The following MAPKAPK5 variants were observed in gnomAD, a reference collection of about 807,000 sequenced individuals.
MAPKAPK5 encodes the protein MAP kinase-activated protein kinase 5.
A neutral mutation model predicts 65.1 loss-of-function variants in MAPKAPK5; 30 were observed. The ratio of observed to expected loss-of-function variants is 0.46; its 90% CI spans 0.34 to 0.63. The LOEUF is 0.63. Ranked by LOEUF, MAPKAPK5 falls within the 20% of genes least tolerant of loss-of-function variation. The pLI is 0.01. For synonymous variants in MAPKAPK5, 179 were observed against 204.6 expected (o/e 0.87, Z 1.07); for missense variants, 433 against 581.4 (o/e 0.74, Z 2.63).
Position 111,892,959 on chromosome 12 carries a change from G to T in MAPKAPK5, c.1322-8G>T. 2 of 1,552,100 alleles carry T rather than the reference G, an allele frequency of 1.3e-6. No individual in the cohort carries two copies. The highest frequency in any genetic ancestry group is 1.7e-6 in the Non-Finnish European group (2 of 1,147,982). The stretch of plus-strand genomic sequence containing the variant: ...TGAGGACTGACCTTGTTCTTTTTTT[G>T]CTTTCAGGTCGTGGATTCACAGATA... On this transcript the variant is annotated splice_polypyrimidine_tract_variant and splice_region_variant and intron_variant, in intron 13 of 13. Coordinates refer to ENST00000550735, the MANE Select transcript of MAPKAPK5 (RefSeq NM_003668.4).
intron 4 of MAPKAPK5, 51 bp from the exon 5 acceptor site, chr12:111,868,702 C>A: frequency 7.4e-7 from 1 of 1,354,300 alleles, no homozygotes; most frequent in Non-Finnish European, 1.0e-6. Flanking sequence ...TTTTTTGTTT[C>A]TTTTTCTTTT....
intron 7 of MAPKAPK5, among the ~76,000 whole-genome samples, chr12:111,871,476 TA>T (rs979021497): frequency 6.6e-6 from 1 of 151,448 alleles, no homozygotes; most frequent in African/African-American, 2.4e-5. Context: ...CTGTCTCTAC[TA>T]AAAAAAATAT....
intron 10 of MAPKAPK5, among the ~76,000 whole-genome samples, chr12:111,887,409 C>T (rs190048219): frequency 3.3e-5 from 5 of 152,288 alleles, no homozygotes; most frequent in Admixed American, 2.6e-4. Context: ...TGGTGGCTTA[C>T]GCCTGTAATC....
At position 111,849,259 on chromosome 12, in the gene MAPKAPK5, T is replaced by C. The variant is rs183543466; in HGVS notation, c.36+6490T>C. ...AGAGTTCTTTTTTTTTTCTTTCTTTTTTTTTTTTCTGAGACAAAGTCTTGC... is the reference window on the plus strand; with the variant it reads ...AGAGTTCTTTTTTTTTTCTTTCTTTCTTTTTTTTCTGAGACAAAGTCTTGC... On this transcript the variant is annotated intron_variant, in intron 1 of 13. Transcript: ENST00000550735. Among the ~76,000 whole-genome samples, 43 of 151,292 alleles carry C rather than the reference T, an allele frequency of 2.8e-4. No homozygotes were observed. The East Asian group carries it at 7.4e-3, about 26-fold the overall frequency.
At chr12:111,885,742 A>G (rs916914796) in intron 9 of MAPKAPK5, 174 bp from the exon 10 acceptor site, 43 of 678,878 alleles carry the variant, frequency 6.3e-5, no homozygotes, top group African/African-American at 1.6e-4. Context: ...GCCTCAAGCC[A>G]TAGTACCCCT....
intron 7 of MAPKAPK5, among the ~76,000 whole-genome samples, chr12:111,873,400 ATGGCG>A (rs2069849450): frequency 6.6e-6 from 1 of 151,978 alleles, no homozygotes; most frequent in Non-Finnish European, 1.5e-5. Context: ...GAGTGGTGCA[ATGGCG>A]CGATCTCGAC....
chr12:111,875,730 G>A (rs1429445757), intron 7 of MAPKAPK5, among the ~76,000 whole-genome samples: 1 of 152,100 alleles, frequency 6.6e-6, no homozygotes, highest in Non-Finnish European at 1.5e-5. Context: ...CCCACATTTT[G>A]CCTTTAGCAG....
chr12:111,878,119 AAC>A (rs2070057558), intron 7 of MAPKAPK5, among the ~76,000 whole-genome samples: 1 of 151,298 alleles, frequency 6.6e-6, no homozygotes, highest in East Asian at 1.9e-4. Context: ...TTCATTCTTT[AAC>A]AGTGTCTTTT....
rs990159816 is a variant in MAPKAPK5 at position 111,893,640 on chromosome 12, C to T, written c.*579C>T. 3 of 152,104 alleles carry T rather than the reference C, an allele frequency of 2.0e-5. No homozygotes were observed. The highest frequency in any genetic ancestry group is 4.8e-5 in the African/African-American group (2 of 41,376). The allele number at this position is 152,104 out of a possible 1,614,324, so 9.4% of individuals were successfully genotyped here. On this transcript the variant is annotated 3_prime_UTR_variant, in exon 14 of 14. Coordinates refer to ENST00000550735, the MANE Select transcript of MAPKAPK5 (RefSeq NM_003668.4). ...TCCCAAGAGAAAAGCAGGAACATTT[C>T]CTTTTTGTCATATCTGTTAAAAGGG... is the stretch of plus-strand genomic sequence containing the variant.
chr12:111,875,394 T>C (rs1287092335), intron 7 of MAPKAPK5, among the ~76,000 whole-genome samples: 1 of 151,982 alleles, frequency 6.6e-6, no homozygotes, highest in Admixed American at 6.5e-5. Context: ...TTTTTTAAAA[T>C]TTAAAAAAAA....
At position 111,861,923 on chromosome 12, in the gene MAPKAPK5, C is replaced by G. The variant is rs2069451899; in HGVS notation, c.37-3327C>G. On this transcript the variant is annotated intron_variant, in intron 1 of 13. Coordinates refer to ENST00000550735, the MANE Select transcript of MAPKAPK5 (RefSeq NM_003668.4). ...TGCTGACCCCTTGTCTTGGAGAATT[C>G]TCAAAAATGATTTTATTCCAAGTGT... Among the ~76,000 whole-genome samples the G allele has an allele frequency of 3.9e-5, 6 of 152,146 alleles. No homozygotes were observed. In the South Asian group the frequency reaches 1.2e-3, roughly 32 times the overall value.
chr12:111,882,217 A>G (rs1261963486), intron 8 of MAPKAPK5, among the ~76,000 whole-genome samples: 3 of 152,174 alleles, frequency 2.0e-5, no homozygotes, highest in Non-Finnish European at 4.4e-5. Flanking sequence ...CGTCTCTACT[A>G]AAAATACAAA....
In MAPKAPK5 at chr12:111,895,724, T is replaced by C. The variant is rs2070786211; in HGVS notation, c.*2663T>C. On this transcript the variant is annotated 3_prime_UTR_variant, in exon 14 of 14. Transcript: ENST00000550735. ...TTTTGTGTTTTTAGTAGAGACGGGG[T>C]TTCATCATATTGGCCAGGCTGGTCT... 1 of 151,242 alleles carries C rather than the reference T, an allele frequency of 6.6e-6. No individual in the cohort carries two copies. The highest frequency in any genetic ancestry group is 2.4e-5 in the African/African-American group (1 of 41,084). The allele number at this position is 151,242 out of a possible 1,614,324, so 9.4% of individuals were successfully genotyped here. A position where few individuals can be genotyped will look rare whatever the true frequency, so the allele number is the denominator to read the frequency against.
rs148250275 is a variant in MAPKAPK5, at chr12:111,844,020, C to T, written c.36+1251C>T. On this transcript the variant is annotated intron_variant, in intron 1 of 13. Coordinates refer to ENST00000550735, the MANE Select transcript of MAPKAPK5 (RefSeq NM_003668.4). ...TGTATTTTTAGTAGAGACGGGGTTT[C>T]ACCGTAATAGCCAGGATGGGCTCGA... Among the ~76,000 whole-genome samples the T allele has an allele frequency of 1.4e-3, 214 of 152,044 alleles. 1 individual carries two copies. The highest frequency in any genetic ancestry group is 5.0e-3 in the African/African-American group (207 of 41,464).
intron 1 of MAPKAPK5, among the ~76,000 whole-genome samples, chr12:111,850,159 GCT>G (rs1200258680): frequency 1.3e-5 from 2 of 152,076 alleles, no homozygotes; most frequent in African/African-American, 4.8e-5. Flanking sequence ...CTCCCAAGTA[GCT>G]GGGATTACAG....
intron 7 of MAPKAPK5, among the ~76,000 whole-genome samples, chr12:111,877,207 CAG>C (rs1229717069): frequency 9.9e-6 from 1 of 101,386 alleles, no homozygotes; most frequent in Non-Finnish European, 2.1e-5. Context: ...TTAGTAGAGA[CAG>C]GGTTTCGCCA....
intron 1 of MAPKAPK5, among the ~76,000 whole-genome samples, chr12:111,847,550 G>A (rs887429887): frequency 6.6e-6 from 1 of 151,868 alleles, no homozygotes; most frequent in African/African-American, 2.4e-5. Context: ...ATAGCGAGTC[G>A]TTAATATTTG....
At chr12:111,853,179 C>G (rs915031462) in intron 1 of MAPKAPK5, among the ~76,000 whole-genome samples, 1 of 151,600 alleles carries the variant, frequency 6.6e-6, no homozygotes, top group Non-Finnish European at 1.5e-5. Flanking sequence ...TCCTGGCTAA[C>G]ACAGTGAAAC....
chr12:111,880,230 C>G (rs2070148552), intron 7 of MAPKAPK5: 5 of 548,204 alleles, frequency 9.1e-6, no homozygotes, highest in Non-Finnish European at 9.9e-6. Flanking sequence ...GGAACTTCAT[C>G]TTCATGTCCT....
Sources: gnomAD v4.1 joint callset for allele counts (sites outside exome capture counted in the v4.1 genomes callset) on GRCh38, gnomAD v4.1.1 for gene constraint, MANE v1.5 for transcripts, NCBI Gene and HGNC (gene_info 2026-07-23, HGNC 2026-07-21) for gene names.